The following CLVS1 variants were observed in gnomAD, a reference collection of about 807,000 sequenced individuals.
The protein encoded by CLVS1 is clavesin 1.
In CLVS1, 10 loss-of-function variants were observed where a neutral mutation model predicts 33.1. The observed-to-expected ratio is 0.30, with a 90% CI of 0.19 to 0.51. The LOEUF (loss-of-function observed/expected upper bound fraction) is 0.51, where lower values mean the gene tolerates loss of function less well. Among genes scored for constraint, CLVS1 ranks in the 20% least tolerant of loss-of-function variants. The pLI is 0.97. For missense variants in CLVS1, 343 were observed against 433.4 expected (o/e 0.79, Z 1.85); for synonymous variants, 163 against 166.1 (o/e 0.98, Z 0.14).
chr8:61,493,103 A>C (rs182180026), intron 5 of CLVS1, among the ~76,000 whole-genome samples: 5 of 152,344 alleles, frequency 3.3e-5, no homozygotes, highest in Middle Eastern at 3.4e-3. Context: ...TACTTCTAAA[A>C]ATTTAAAGAT....
intron 2 of CLVS1, among the ~76,000 whole-genome samples, chr8:61,333,221 T>C (rs1397641789): frequency 6.6e-6 from 1 of 152,112 alleles, no homozygotes; most frequent in East Asian, 1.9e-4. Context: ...TATGGAGAAA[T>C]TTGAAAGTTT....
At position 61,500,963 on chromosome 8, in the gene CLVS1, T is replaced by G. The variant is rs551704952; in HGVS notation, c.*1421T>G. On this transcript the variant is annotated 3_prime_UTR_variant, in exon 6 of 6. Coordinates refer to ENST00000325897, the MANE Select transcript of CLVS1 (RefSeq NM_173519.3). ...ATTACATCATCTCTTTCTCAATGGA[T>G]CTAATGTTTTAATTTTTTCCCCTAT... 17 of 152,310 alleles carry G rather than the reference T, an allele frequency of 1.1e-4. No individual in the cohort carries two copies. The highest frequency in any genetic ancestry group is 2.9e-4 in the African/African-American group (12 of 41,562). The allele number at this position is 152,310 out of a possible 1,614,324, so 9.4% of individuals were successfully genotyped here.
intron 1 of CLVS1, among the ~76,000 whole-genome samples, chr8:61,059,475 C>CATATACATATATATATATATAT (rs1804540465): frequency 8.0e-5 from 4 of 50,212 alleles, no homozygotes; most frequent in Non-Finnish European, 1.6e-4. Context: ...TACATACATA[C>CATATACATATATATATATATAT]ATATATATAT....
chr8:61,055,800 C>T (rs1201124630), upstream of CLVS1, among the ~76,000 whole-genome samples: 1 of 152,248 alleles, frequency 6.6e-6, no homozygotes, highest in Non-Finnish European at 1.5e-5. Flanking sequence ...TCCTCACATC[C>T]TAGCAGCTTT....
chr8:61,258,317 A>G (rs1408492318), intron 2 of CLVS1, among the ~76,000 whole-genome samples: 2 of 152,236 alleles, frequency 1.3e-5, no homozygotes, highest in East Asian at 1.9e-4. Context: ...AACCTGTCTC[A>G]GTTTTCCAAA....
the CLVS1 span, among the ~76,000 whole-genome samples, chr8:61,047,384 T>C: frequency 3.1e-4 from 47 of 152,334 alleles, no homozygotes; most frequent in African/African-American, 1.1e-3. Context: ...TCAACCATTG[T>C]GGAAGTCAGT....
intron 2 of CLVS1, among the ~76,000 whole-genome samples, chr8:61,241,056 G>A (rs181532720): frequency 6.6e-6 from 1 of 152,214 alleles, no homozygotes; most frequent in East Asian, 1.9e-4. Context: ...TGTCTTGTGA[G>A]GGCTGCTTCC....
chr8:61,032,740 T>A, the CLVS1 span, among the ~76,000 whole-genome samples: 1 of 152,100 alleles, frequency 6.6e-6, no homozygotes, highest in Admixed American at 6.6e-5. Flanking sequence ...AAAATAATAT[T>A]TATTTCTTCT....
intron 2 of CLVS1, among the ~76,000 whole-genome samples, chr8:61,317,195 G>A (rs777901232): frequency 2.0e-5 from 3 of 152,128 alleles, no homozygotes; most frequent in South Asian, 2.1e-4. Context: ...GACAAGTTAC[G>A]TTGTCTGGTG....
At chr8:61,386,285 G>A (rs571658425) in intron 3 of CLVS1, among the ~76,000 whole-genome samples, 1 of 152,330 alleles carries the variant, frequency 6.6e-6, no homozygotes, top group East Asian at 1.9e-4. Context: ...AGATGATGCT[G>A]TAGGTGGCTG....
chr8:61,298,822 G>A (rs1386874375), intron 1 of CLVS1, among the ~76,000 whole-genome samples: 1 of 152,148 alleles, frequency 6.6e-6, no homozygotes, highest in African/African-American at 2.4e-5. Context: ...CATAAAGGAT[G>A]TATCTGAGGG....
At chr8:61,480,010 C>T (rs574625602) in intron 5 of CLVS1, among the ~76,000 whole-genome samples, 5 of 152,336 alleles carry the variant, frequency 3.3e-5, no homozygotes, top group Admixed American at 1.3e-4. Flanking sequence ...GGTGCCTCCC[C>T]GTTAGGCTAC....
chr8:61,268,573 A>T (rs1585735734), intron 2 of CLVS1, among the ~76,000 whole-genome samples: 1 of 139,380 alleles, frequency 7.2e-6, no homozygotes, highest in East Asian at 2.2e-4. Context: ...CCAGTTCTAG[A>T]TCCCTGAGGA....
At chr8:61,440,769 C>A (rs1445338250) in intron 3 of CLVS1, among the ~76,000 whole-genome samples, 1 of 152,148 alleles carries the variant, frequency 6.6e-6, no homozygotes, top group Non-Finnish European at 1.5e-5. Context: ...GCAGAAAAAA[C>A]CTAGACCCCT....
the CLVS1 span, among the ~76,000 whole-genome samples, chr8:61,027,196 C>A: frequency 6.6e-6 from 1 of 152,124 alleles, no homozygotes; most frequent in Non-Finnish European, 1.5e-5. Flanking sequence ...TGTCATCCCC[C>A]AAGAGTGAGA....
intron 2 of CLVS1, among the ~76,000 whole-genome samples, chr8:61,239,211 A>T (rs192868466): frequency 3.0e-4 from 45 of 152,230 alleles, no homozygotes; most frequent in Non-Finnish European, 5.6e-4. Flanking sequence ...TTTATTTGTT[A>T]CCATTTTACA....
chr8:61,033,043 AAGAAAAAGAAAGAAAGAT>A, the CLVS1 span, among the ~76,000 whole-genome samples: 14 of 102,864 alleles, frequency 1.4e-4, 3 homozygotes, highest in South Asian at 6.4e-4. Context: ...GAAAGAAAGA[AAGAAAAAGAAAGAAAGAT>A]AGAAAGAAAG....
chr8:61,170,269 C>G (rs1328827828), intron 2 of CLVS1, among the ~76,000 whole-genome samples: 1 of 152,128 alleles, frequency 6.6e-6, no homozygotes, highest in Non-Finnish European at 1.5e-5. Flanking sequence ...AGAACCATCT[C>G]TCTTCCCACA....
At chr8:61,301,626 G>A (rs1810439954) in intron 2 of CLVS1, among the ~76,000 whole-genome samples, 1 of 152,154 alleles carries the variant, frequency 6.6e-6, no homozygotes, top group Admixed American at 6.6e-5. Flanking sequence ...GTAGATATTA[G>A]TACTATGACC....
Sources: allele counts gnomAD v4.1 joint callset (sites outside exome capture counted in the v4.1 genomes callset), GRCh38; gene constraint gnomAD v4.1.1; transcripts MANE v1.5; gene names NCBI Gene and HGNC (gene_info 2026-07-23, HGNC 2026-07-21).